The following EHHADH variants were observed in gnomAD, a reference collection of about 807,000 sequenced individuals.
EHHADH encodes the protein enoyl-CoA hydratase and 3-hydroxyacyl CoA dehydrogenase, also known as peroxisomal bifunctional enzyme.
A neutral mutation model predicts 64.4 loss-of-function variants in EHHADH; 48 were observed. The ratio of observed to expected loss-of-function variants is 0.75; its 90% CI spans 0.59 to 0.95. EHHADH has a LOEUF of 0.95. Among genes scored for constraint, EHHADH ranks in the 40% least tolerant of loss-of-function variants. EHHADH has a pLI of 0.00. For synonymous variants in EHHADH, 308 were observed against 326.7 expected, an observed-to-expected ratio of 0.94 and a Z score of 0.62; for missense variants, 854 against 876.6, an observed-to-expected ratio of 0.97 and a Z score of 0.33.
intron 2 of EHHADH, among the ~76,000 whole-genome samples, chr3:185,245,040 T>C (rs1049648487): frequency 6.6e-6 from 1 of 152,190 alleles, no homozygotes. Context: ...CTTGGTGAGA[T>C]TTCTGATTAC....
At chr3:185,240,919 T>C (rs1719431714) in intron 2 of EHHADH, among the ~76,000 whole-genome samples, 2 of 152,124 alleles carry the variant, frequency 1.3e-5, no homozygotes, top group African/African-American at 2.4e-5. Context: ...AAGCAGTATA[T>C]ACTGCACTGT....
At position 185,204,691 on chromosome 3, in the gene EHHADH, A is replaced by C; in HGVS notation, c.635T>G (p.Ile212Ser). The change falls in exon 6 of 7, where the codon ATT becomes AGT. Residue 212 changes from isoleucine (I) to serine (S), a missense_variant. Physicochemically the swap from Ile to Ser is moderately radical, Grantham distance 142. Transcript: ENST00000231887. ...PIQSLPNMDS[I>S]FSEALLKMRR... ...CATCTTCAAGAGGGCCTCACTAAAA[A>C]TGCTGTCCATGTTGGGCAAGCTCTG... The C allele has an allele frequency of 6.2e-7, 1 of 1,614,192 alleles. No homozygotes were observed. Among genetic ancestry groups the C allele is most frequent in the Non-Finnish European group, 8.5e-7 (1 of 1,180,002 alleles).
At position 185,193,505 on chromosome 3, in the gene EHHADH, A is replaced by G. The variant is rs755665823; in HGVS notation, c.911-18T>C. ...TCCCAAGCCTGCAGATAAAAATCAAAGGAGAAAAAGAATGATTCAGTGGTA... is the reference window on the plus strand; with the variant it reads ...TCCCAAGCCTGCAGATAAAAATCAAGGGAGAAAAAGAATGATTCAGTGGTA... On this transcript the variant is annotated intron_variant, in intron 6 of 6. Transcript: ENST00000231887. 6.2e-7 allele frequency: 1 copy of G among 1,609,536 alleles called. No homozygotes were observed. Among genetic ancestry groups the G allele is most frequent in the Non-Finnish European group, 8.5e-7 (1 of 1,178,776 alleles).
chr3:185,193,583 A>T, intron 6 of EHHADH, 96 bp from the exon 7 acceptor site: 1 of 1,367,804 alleles, frequency 7.3e-7, no homozygotes, highest in South Asian at 1.4e-5. Context: ...ACAATGTGGC[A>T]TTTAAAGAGA....
At chr3:185,204,783 C>T in intron 5 of EHHADH, 26 bp from the exon 6 acceptor site, 1 of 1,546,898 alleles carries the variant, frequency 6.5e-7, no homozygotes. Context: ...AGGATCAGAG[C>T]TTTGGAAATG....
At position 185,192,705 on chromosome 3, in the gene EHHADH, G is replaced by A. The variant is rs771154497; in HGVS notation, c.1693C>T (p.Leu565Phe). Residue 565 changes from leucine to phenylalanine, a missense_variant, in exon 7 of 7, where the codon CTC (leucine) becomes TTC (phenylalanine). Coordinates refer to ENST00000231887, the MANE Select transcript of EHHADH (RefSeq NM_001966.4). ...NRRYCPIPDV[L>F]CELGRFGQKT... ...TGGCCAAATCGTCCTAATTCACAGA[G>A]CACATCAGGAATTGGGCAGTACCTC... 25 of 1,614,004 alleles carry A rather than the reference G, an allele frequency of 1.5e-5. No individual in the cohort carries two copies. In the Admixed American group the frequency reaches 4.2e-4, roughly 27 times the overall value.
chr3:185,215,580 G>T (rs958262231), intron 5 of EHHADH, among the ~76,000 whole-genome samples: 10 of 152,180 alleles, frequency 6.6e-5, no homozygotes, highest in Non-Finnish European at 1.0e-4. Flanking sequence ...TGTGGCCATG[G>T]TTATACAACT....
intron 2 of EHHADH, among the ~76,000 whole-genome samples, chr3:185,238,567 A>G (rs952145985): frequency 2.6e-5 from 4 of 152,182 alleles, no homozygotes; most frequent in Admixed American, 2.0e-4. Flanking sequence ...TGGCAAATGT[A>G]TATGTCCTAT....
rs189912240 is a variant in EHHADH, at chr3:185,243,186, G to A, written c.178+5228C>T. 3.5e-4 allele frequency among the ~76,000 whole-genome samples: 53 copies of A among 152,294 alleles called. No homozygotes were observed. The East Asian group carries it at 7.5e-3, about 22-fold the overall frequency. On this transcript the variant is annotated intron_variant, in intron 2 of 6. Coordinates refer to ENST00000231887, the MANE Select transcript of EHHADH (RefSeq NM_001966.4). Reference sequence around the variant, plus strand: ...TGGAGGATCTCCCTCTCCCATTTCCGCAGTTTGGGCACTCACAGTATTTGG... The same window carrying A: ...TGGAGGATCTCCCTCTCCCATTTCCACAGTTTGGGCACTCACAGTATTTGG...
chr3:185,240,363 A>G (rs763845678), intron 2 of EHHADH, among the ~76,000 whole-genome samples: 4 of 151,142 alleles, frequency 2.6e-5, no homozygotes, highest in Non-Finnish European at 5.9e-5. Context: ...TTCTTTGCAC[A>G]TCTGGTAAAA....
rs1314140729 is a variant in EHHADH at position 185,190,856 on chromosome 3, T to C, written c.*1370A>G. The C allele has an allele frequency of 2.6e-5, 4 of 152,238 alleles. No homozygotes were observed. Among genetic ancestry groups the C allele is most frequent in the Non-Finnish European group, 4.4e-5 (3 of 68,044 alleles). The allele number at this position is 152,238 out of a possible 1,614,324, so 9.4% of individuals were successfully genotyped here. On this transcript the variant is annotated 3_prime_UTR_variant, in exon 7 of 7. Transcript: ENST00000231887. ...TATTTGGGTTCACAGGTGAAAATAT[T>C]GTGAAAGTTCATTTACACCACAATG... is the stretch of plus-strand genomic sequence containing the variant.
At chr3:185,205,970 G>A (rs141920033) in intron 5 of EHHADH, among the ~76,000 whole-genome samples, 580 of 152,120 alleles carry the variant, frequency 3.8e-3, no homozygotes, top group Non-Finnish European at 5.9e-3. Flanking sequence ...AACAAGCACC[G>A]AGAAAGTAAG....
intron 6 of EHHADH, among the ~76,000 whole-genome samples, chr3:185,194,861 G>C (rs1188211166): frequency 7.6e-6 from 1 of 132,066 alleles, no homozygotes; most frequent in Non-Finnish European, 1.6e-5. Context: ...GTGTAAGATA[G>C]TGGTCATTGC....
In EHHADH at chr3:185,192,440, C is replaced by T; in HGVS notation, c.1958G>A (p.Gly653Glu). ...GCCCTTGTGCCTTGGCCATCCATAT[C>T]CATGTAAATAGACAACATCAATGTG... Reference protein sequence around the residue: ...PEHIDVVYLHGYGWPRHKGGP... With the variant: ...PEHIDVVYLHEYGWPRHKGGP... Residue 653 changes from glycine to glutamate, a missense_variant, in exon 7 of 7, where the codon GGA becomes GAA. Physicochemically the swap from Gly to Glu is moderately conservative, Grantham distance 98. Transcript: ENST00000231887. 5 of 1,614,198 alleles carry T rather than the reference C, an allele frequency of 3.1e-6. No homozygotes were observed. Among genetic ancestry groups the T allele is most frequent in the Non-Finnish European group, 4.2e-6 (5 of 1,180,036 alleles).
At chr3:185,211,608 T>C (rs1718542372) in intron 5 of EHHADH, among the ~76,000 whole-genome samples, 1 of 152,148 alleles carries the variant, frequency 6.6e-6, no homozygotes. Flanking sequence ...GTGTCCATCA[T>C]AAAAGCTTTG....
At chr3:185,212,207 A>C (rs949067795) in intron 5 of EHHADH, among the ~76,000 whole-genome samples, 3 of 152,262 alleles carry the variant, frequency 2.0e-5, no homozygotes, top group Non-Finnish European at 4.4e-5. Context: ...ATTTTATAGG[A>C]TGCTCCCCTC....
intron 2 of EHHADH, among the ~76,000 whole-genome samples, chr3:185,237,986 T>C (rs187808192): frequency 1.3e-5 from 2 of 152,306 alleles, no homozygotes; most frequent in East Asian, 1.9e-4. Flanking sequence ...TCCCCCTTTT[T>C]TTCCCTGACA....
intron 2 of EHHADH, 88 bp from the exon 3 acceptor site, chr3:185,235,550 A>G: frequency 9.0e-7 from 1 of 1,114,246 alleles, no homozygotes; most frequent in Non-Finnish European, 1.2e-6. Flanking sequence ...CTCTTTAAAA[A>G]ATTAATTTGT....
intron 4 of EHHADH, among the ~76,000 whole-genome samples, chr3:185,222,824 A>T (rs370003762): frequency 6.6e-6 from 1 of 152,240 alleles, no homozygotes; most frequent in South Asian, 2.1e-4. Context: ...TAAATATTAC[A>T]TAGCATCCTA....
Sources: gnomAD v4.1 joint callset for allele counts (sites outside exome capture counted in the v4.1 genomes callset) on GRCh38, gnomAD v4.1.1 for gene constraint, MANE v1.5 for transcripts, NCBI Gene and HGNC (gene_info 2026-07-23, HGNC 2026-07-21) for gene names.